NF1: variants seen among roughly 807,000 people sequenced by gnomAD.
NF1 encodes the protein neurofibromin 1.
Under a neutral mutation model 325.7 loss-of-function variants are expected in NF1, and 122 were observed. The observed-to-expected ratio is 0.37, with a 90% confidence interval of 0.32 to 0.44. The LOEUF (loss-of-function observed/expected upper bound fraction) is 0.44, where lower values mean the gene tolerates loss of function less well. Among genes scored for constraint, NF1 ranks in the 20% least tolerant of loss-of-function variants. The probability of loss-of-function intolerance (pLI) is 1.00; values close to 1 mark genes in which losing one functional copy is unlikely to be tolerated. For missense variants in NF1, 2,140 were observed against 3,415.4 expected, an observed-to-expected ratio of 0.63 and a Z score of 9.31; for synonymous variants, 1,091 against 1,186.0, an observed-to-expected ratio of 0.92 and a Z score of 1.65.
At chr17:31,331,696 C>T (rs1441070957) in intron 39 of NF1, 1 of 151,474 alleles carries the variant, frequency 6.6e-6, no homozygotes, top group Non-Finnish European at 1.5e-5. Flanking sequence ...CACCGTACAC[C>T]ATAAGATACC....
rs577502724 is a variant in NF1, at chr17:31,307,311, G to T, written c.4836-18509G>T. On this transcript the variant is annotated intron_variant, in intron 36 of 57. Transcript: ENST00000358273. ...TGGGATTACAGGTGTGAGCCACCAC[G>T]CCTGGCCCAATTACAATAATTTGAT... 3.9e-5 allele frequency among the ~76,000 whole-genome samples: 6 copies of T among 152,266 alleles called. No individual in the cohort carries two copies. In the East Asian group the frequency reaches 9.7e-4, roughly 25 times the overall value.
rs763846160 is a variant in NF1 at position 31,249,133 on chromosome 17, T to TA, written c.4110+15dup. The TA allele has an allele frequency of 5.0e-6, 8 of 1,613,156 alleles. No individual in the cohort carries two copies. The highest frequency in any genetic ancestry group is 5.9e-6 in the Non-Finnish European group (7 of 1,179,272). Reference sequence around the variant, plus strand: ...TGTTTATACCAGGTATGCTTACAGTTAGAGATTACCATTATTAATCTAAAG... The same window carrying TA: ...TGTTTATACCAGGTATGCTTACAGTTAAGAGATTACCATTATTAATCTAAAG... On this transcript the variant is annotated intron_variant, in intron 30 of 57. Coordinates refer to ENST00000358273, the MANE Select transcript of NF1 (RefSeq NM_001042492.3).
At chr17:31,220,192 T>C (rs1341570175) in intron 14 of NF1, among the ~76,000 whole-genome samples, 2 of 152,150 alleles carry the variant, frequency 1.3e-5, no homozygotes, top group Non-Finnish European at 2.9e-5. Context: ...TCTGTATGCT[T>C]GCTAACACTT....
chr17:31,128,424 T>TA (rs1246151890), intron 1 of NF1: 1 of 152,150 alleles, frequency 6.6e-6, no homozygotes, highest in African/African-American at 2.4e-5. Flanking sequence ...TGTCACTGGT[T>TA]ATGTACTTAA....
intron 1 of NF1, among the ~76,000 whole-genome samples, chr17:31,103,879 A>C (rs932128388): frequency 2.0e-5 from 3 of 152,010 alleles, no homozygotes; most frequent in Non-Finnish European, 4.4e-5. Flanking sequence ...AAGAAAAAAA[A>C]CAGACAAATT....
At position 31,182,622 on chromosome 17, in the gene NF1, A is replaced by G. The variant is rs779034900; in HGVS notation, c.845A>G (p.Gln282Arg). 3.7e-6 allele frequency: 6 copies of G among 1,613,874 alleles called. No individual in the cohort carries two copies. Among genetic ancestry groups the G allele is most frequent in the Non-Finnish European group, 5.1e-6 (6 of 1,179,934 alleles). Reference sequence around the variant, plus strand: ...CTTATCTTGTGTCCAGAAATAATCCAGGATATATCCAAAGACGTGGTTGAT... The same window carrying G: ...CTTATCTTGTGTCCAGAAATAATCCGGGATATATCCAAAGACGTGGTTGAT... ...ILLILCPEII[Q>R]DISKDVVDEN... is the part of the protein sequence containing the mutation. The change falls in exon 8 of 58, where the codon CAG (glutamine) becomes CGG (arginine). Residue 282 changes from glutamine to arginine, a missense_variant. Coordinates refer to ENST00000358273, the MANE Select transcript of NF1 (RefSeq NM_001042492.3).
intron 38 of NF1, 45 bp from the exon 39 acceptor site, chr17:31,330,251 A>G (rs2069446528): frequency 6.3e-7 from 1 of 1,587,234 alleles, no homozygotes. Context: ...TGGAACTATA[A>G]GGAAAAATAC....
intron 36 of NF1, chr17:31,296,292 T>C: frequency 6.2e-7 from 1 of 1,614,052 alleles, no homozygotes; most frequent in Non-Finnish European, 8.5e-7. Flanking sequence ...AACAGAAGGA[T>C]GAACAGGCAG....
Position 31,251,192 on chromosome 17 carries a change from T to C in NF1, c.4111-1746T>C, listed in dbSNP as rs753873089. ...TATTCATCTTCCCTCTTCTGGCTTT[T>C]TCTTGCCCCTTTGCCTTTGGCAGTA... is the stretch of plus-strand genomic sequence containing the variant. On this transcript the variant is annotated intron_variant, in intron 30 of 57. Coordinates refer to ENST00000358273, the MANE Select transcript of NF1 (RefSeq NM_001042492.3). 4.8e-4 allele frequency: 98 copies of C among 203,028 alleles called. 1 individual carries two copies. The highest frequency in any genetic ancestry group is 7.5e-4 in the Non-Finnish European group (74 of 98,880). The allele number at this position is 203,028 out of a possible 1,614,324, so 12.6% of individuals were successfully genotyped here.
chr17:31,203,586 A>G (rs1446959601), intron 11 of NF1, among the ~76,000 whole-genome samples: 1 of 152,136 alleles, frequency 6.6e-6, no homozygotes, highest in Admixed American at 6.6e-5. Flanking sequence ...GAGATTGACT[A>G]TTTTAGAGTT....
At chr17:31,357,186 A>G in intron 53 of NF1, 83 bp from the exon 54 acceptor site, 1 of 1,591,112 alleles carries the variant, frequency 6.3e-7, no homozygotes, top group East Asian at 2.2e-5. Flanking sequence ...AATAGGATAC[A>G]GTCTTCTACT....
chr17:31,349,105 G>C lies in NF1; in HGVS notation c.7190-15G>C. On this transcript the variant is annotated splice_polypyrimidine_tract_variant and intron_variant, in intron 48 of 57. Coordinates refer to ENST00000358273, the MANE Select transcript of NF1 (RefSeq NM_001042492.3). ...TTCTTACTTGTTTGTTTGTTTGTTT[G>C]TTTGTTTTTTGTAGGGTACAGGCAT... 1 of 1,567,828 alleles carries C rather than the reference G, an allele frequency of 6.4e-7. No homozygotes were observed. The highest frequency in any genetic ancestry group is 2.4e-5 in the East Asian group (1 of 42,450).
intron 36 of NF1, among the ~76,000 whole-genome samples, chr17:31,269,712 G>C (rs1224905337): frequency 6.6e-6 from 1 of 152,156 alleles, no homozygotes; most frequent in Non-Finnish European, 1.5e-5. Flanking sequence ...CCCTAGCTGT[G>C]GCTGGTAATG....
intron 1 of NF1, among the ~76,000 whole-genome samples, chr17:31,135,110 A>C (rs17879053): frequency 6.6e-6 from 1 of 152,044 alleles, no homozygotes; most frequent in Non-Finnish European, 1.5e-5. Context: ...AAGCAGTTCA[A>C]CTCTTCTAAA....
intron 36 of NF1, among the ~76,000 whole-genome samples, chr17:31,287,542 C>CTCTGTGTGTGTGTG (rs987459488): frequency 6.9e-6 from 1 of 145,490 alleles, no homozygotes; most frequent in African/African-American, 2.6e-5. Context: ...TCATTCATAA[C>CTCTGTGTGTGTGTG]TGTGTGTGTG....
In NF1 at chr17:31,374,135, A is replaced by G. The variant is rs764858484; in HGVS notation, c.8500A>G (p.Ser2834Gly). 1.2e-6 allele frequency: 2 copies of G among 1,613,964 alleles called. No homozygotes were observed. Among genetic ancestry groups the G allele is most frequent in the Non-Finnish European group, 8.5e-7 (1 of 1,179,970 alleles). ...AAGCGCTGGCAGTTTCAAACGTAAT[A>G]GCATTAAGAAGATCGTGTGAAGCTT... is the stretch of plus-strand genomic sequence containing the variant. ...QRSAGSFKRN[S>G]IKKIV The change falls in exon 58 of 58, where the codon AGC becomes GGC. Residue 2834 changes from serine (S) to glycine (G), a missense_variant. Physicochemically the swap from Ser to Gly is moderately conservative, Grantham distance 56. Transcript: ENST00000358273.
intron 24 of NF1, among the ~76,000 whole-genome samples, chr17:31,231,413 T>C (rs1172058443): frequency 6.6e-6 from 1 of 152,172 alleles, no homozygotes; most frequent in Non-Finnish European, 1.5e-5. Context: ...CATTCACATA[T>C]GTTTCTTTGA....
intron 8 of NF1, among the ~76,000 whole-genome samples, chr17:31,188,310 G>A (rs762400861): frequency 3.3e-5 from 5 of 152,126 alleles, no homozygotes; most frequent in Admixed American, 1.3e-4. Flanking sequence ...TTAAAAACAT[G>A]TTTGTGCATG....
intron 13 of NF1, among the ~76,000 whole-genome samples, chr17:31,217,472 G>A (rs959408719): frequency 2.6e-5 from 4 of 151,524 alleles, no homozygotes; most frequent in Admixed American, 1.3e-4. Context: ...CCACCAAACC[G>A]GCTTGTACTT....
Sources: gnomAD v4.1 joint callset for allele counts (sites outside exome capture counted in the v4.1 genomes callset) on GRCh38, gnomAD v4.1.1 for gene constraint, MANE v1.5 for transcripts, NCBI Gene and HGNC (gene_info 2026-07-23, HGNC 2026-07-21) for gene names.